ZNF626: variants seen among roughly 807,000 people sequenced by gnomAD.
ZNF626 encodes the protein CTC-513N18.7.
A neutral mutation model predicts 11.7 loss-of-function variants in ZNF626; 4 were observed. The ratio of observed to expected loss-of-function variants is 0.34; its 90% confidence interval spans 0.17 to 0.78. The LOEUF (loss-of-function observed/expected upper bound fraction) is 0.78, where lower values mean the gene tolerates loss of function less well. ZNF626 is among the 30% of genes least tolerant of loss of function. The pLI, the probability that ZNF626 is intolerant of heterozygous loss-of-function variation, is 0.57. For missense variants in ZNF626, 588 were observed against 587.1 expected (o/e 1.00, Z -0.01); for synonymous variants, 179 against 198.6 (o/e 0.90, Z 0.83).
intron 1 of ZNF626, among the ~76,000 whole-genome samples, chr19:20,647,483 G>C (rs1428531533): frequency 8.4e-6 from 1 of 119,132 alleles, no homozygotes; most frequent in Non-Finnish European, 1.7e-5. Context: ...CTAGGACAAT[G>C]GTTTTTTTTT....
chr19:20,624,240 A>C lies in ZNF626; in HGVS notation c.*50T>G. On this transcript the variant is annotated 3_prime_UTR_variant, in exon 4 of 4. Transcript: ENST00000601440. Reference sequence around the variant, plus strand: ...GTGTAGTAAGGTTAGAGAAATGCTTAAAAGCTTTGTCACATTCTTCACATT... The same window carrying C: ...GTGTAGTAAGGTTAGAGAAATGCTTCAAAGCTTTGTCACATTCTTCACATT... 6.2e-7 allele frequency: 1 copy of C among 1,612,628 alleles called. No homozygotes were observed. Among genetic ancestry groups the C allele is most frequent in the Non-Finnish European group, 8.5e-7 (1 of 1,179,254 alleles).
intron 3 of ZNF626, among the ~76,000 whole-genome samples, chr19:20,642,499 G>A (rs1177796868): frequency 6.6e-6 from 1 of 152,122 alleles, no homozygotes; most frequent in Non-Finnish European, 1.5e-5. Context: ...CGGAGGCTGA[G>A]GCAGAAGAAT....
chr19:20,652,834 G>A (rs1970161995), intron 1 of ZNF626, among the ~76,000 whole-genome samples: 1 of 152,156 alleles, frequency 6.6e-6, no homozygotes, highest in Non-Finnish European at 1.5e-5. Flanking sequence ...ACATTTGTGA[G>A]CTTTTTAGCA....
chr19:20,623,308 T>C lies in ZNF626; in HGVS notation c.*982A>G, dbSNP rs1555768952. On this transcript the variant is annotated 3_prime_UTR_variant, in exon 4 of 4. Transcript: ENST00000601440. The stretch of plus-strand genomic sequence containing the variant: ...CACATTCTTCATGCTTGTAGGAATT[T>C]TGCCAGTATGAATTATCTTACTATC... The C allele has an allele frequency of 6.6e-6, 1 of 152,134 alleles. No individual in the cohort carries two copies. The highest frequency in any genetic ancestry group is 2.4e-5 in the African/African-American group (1 of 41,424). The allele number at this position is 152,134 out of a possible 1,614,324, so 9.4% of individuals were successfully genotyped here.
rs1453635701 is a variant in ZNF626 at position 20,625,446 on chromosome 19, AT to A, written c.430del (p.Ile144TyrfsTer8). ...NQCLTTTPRK[I>X]CQCDKYVKVL... Reference sequence around the variant, plus strand: ...TTTCACATATTTATCACATTGACATATTTTTCTTGGGGTAGTTGTCAAACAT... The same window carrying A: ...TTTCACATATTTATCACATTGACATATTTTCTTGGGGTAGTTGTCAAACAT... On this transcript the variant is annotated frameshift_variant, in exon 4 of 4. Transcript: ENST00000601440. LOFTEE classifies it low-confidence loss of function (END_TRUNC). The A allele has an allele frequency of 1.2e-6, 2 of 1,613,842 alleles. No individual in the cohort carries two copies. The highest frequency in any genetic ancestry group is 1.3e-5 in the African/African-American group (1 of 74,876).
At chr19:20,652,313 A>G (rs1286840553) in intron 1 of ZNF626, among the ~76,000 whole-genome samples, 1 of 151,604 alleles carries the variant, frequency 6.6e-6, no homozygotes, top group Non-Finnish European at 1.5e-5. Flanking sequence ...AAAAAAAAAA[A>G]GCTGACACAA....
rs1568454056 is a variant in ZNF626, at chr19:20,625,444, A to T, written c.433T>A (p.Cys145Ser). 2 of 1,614,116 alleles carry T rather than the reference A, an allele frequency of 1.2e-6. No individual in the cohort carries two copies. The highest frequency in any genetic ancestry group is 1.7e-6 in the Non-Finnish European group (2 of 1,180,014). ...ACTTTCACATATTTATCACATTGAC[A>T]TATTTTTCTTGGGGTAGTTGTCAAA... ...QCLTTTPRKI[C>S]QCDKYVKVLH... is the part of the protein sequence containing the mutation. The change falls in exon 4 of 4, where the codon TGT becomes AGT. Residue 145 changes from cysteine to serine, a missense_variant. Physicochemically the swap from Cys to Ser is moderately radical, Grantham distance 112. This residue lies in a region of ZNF626 where 524 missense variants were observed against 470.1 expected (regional missense o/e 1.11). Transcript: ENST00000601440.
At chr19:20,661,164 C>T (rs1476759417) in intron 1 of ZNF626, among the ~76,000 whole-genome samples, 2 of 152,124 alleles carry the variant, frequency 1.3e-5, no homozygotes, top group Admixed American at 6.5e-5. Flanking sequence ...GGTCCCTGCA[C>T]AATCTGGGAG....
chr19:20,631,787 CATTTA>C (rs1969908939), intron 3 of ZNF626, among the ~76,000 whole-genome samples: 1 of 151,546 alleles, frequency 6.6e-6, no homozygotes, highest in African/African-American at 2.4e-5. Flanking sequence ...AGCCCATTTA[CATTTA>C]AAGTTAATAT....
At chr19:20,626,939 C>T (rs1178006971) in intron 3 of ZNF626, among the ~76,000 whole-genome samples, 6 of 152,018 alleles carry the variant, frequency 3.9e-5, no homozygotes, top group Non-Finnish European at 5.9e-5. Flanking sequence ...TGCTTGAACT[C>T]GGGAGGCAGA....
At chr19:20,646,899 G>A (rs572434155) in intron 1 of ZNF626, among the ~76,000 whole-genome samples, 1 of 152,204 alleles carries the variant, frequency 6.6e-6, no homozygotes, top group Non-Finnish European at 1.5e-5. Context: ...CCAAGCTGGA[G>A]TGAAATGGTG....
At chr19:20,634,710 G>A (rs1475528947) in intron 3 of ZNF626, among the ~76,000 whole-genome samples, 1 of 152,130 alleles carries the variant, frequency 6.6e-6, no homozygotes, top group Non-Finnish European at 1.5e-5. Context: ...TTAATCTACA[G>A]AATTAATGCA....
At chr19:20,635,789 A>G (rs2144774630) in intron 3 of ZNF626, among the ~76,000 whole-genome samples, 1 of 152,276 alleles carries the variant, frequency 6.6e-6, no homozygotes, top group African/African-American at 2.4e-5. Context: ...AAATAAATAG[A>G]CGCTGAAATT....
At chr19:20,642,824 C>T (rs535268748) in intron 3 of ZNF626, among the ~76,000 whole-genome samples, 2 of 151,932 alleles carry the variant, frequency 1.3e-5, no homozygotes, top group African/African-American at 4.8e-5. Flanking sequence ...ACCAGTCTGT[C>T]AACATGATGA....
At chr19:20,640,649 T>C (rs573526303) in intron 3 of ZNF626, among the ~76,000 whole-genome samples, 11 of 127,510 alleles carry the variant, frequency 8.6e-5, no homozygotes, top group Non-Finnish European at 1.8e-4. Flanking sequence ...TACTAGTTTA[T>C]AGAGAAATGA....
chr19:20,637,886 T>C (rs190082401), intron 3 of ZNF626, among the ~76,000 whole-genome samples: 1 of 152,164 alleles, frequency 6.6e-6, no homozygotes, highest in East Asian at 1.9e-4. Context: ...TAAAATGTAA[T>C]CTTAGGACTT....
chr19:20,622,567 AT>A lies in ZNF626; in HGVS notation c.*1722del, dbSNP rs1282298013. 2.3e-5 allele frequency: 3 copies of A among 128,396 alleles called. No individual in the cohort carries two copies. Among genetic ancestry groups the A allele is most frequent in the African/African-American group, 8.1e-5 (3 of 36,848 alleles). 8.0% of individuals were successfully genotyped at this position (128,396 alleles called of 1,614,324 possible). ...GTGAATATAATAAAGTAACAGCATAATTTGAAAGCTGTATTACATCATTCAC... is the reference window on the plus strand; with the variant it reads ...GTGAATATAATAAAGTAACAGCATAATTGAAAGCTGTATTACATCATTCAC... On this transcript the variant is annotated 3_prime_UTR_variant, in exon 4 of 4. Coordinates refer to ENST00000601440, the MANE Select transcript of ZNF626 (RefSeq NM_001076675.3).
chr19:20,623,943 GTT>G lies in ZNF626; in HGVS notation c.*345_*346del. The G allele has an allele frequency of 7.8e-6, 3 of 383,464 alleles. No homozygotes were observed. Among genetic ancestry groups the G allele is most frequent in the South Asian group, 6.8e-5 (3 of 43,840 alleles). The allele number at this position is 383,464 out of a possible 1,614,324, so 23.8% of individuals were successfully genotyped here. ...CTGTCACATTCTTTATATTTGTAGA[GTT>G]TATATTTCATATCAATTCTTAGTTA... On this transcript the variant is annotated 3_prime_UTR_variant, in exon 4 of 4. Coordinates refer to ENST00000601440, the MANE Select transcript of ZNF626 (RefSeq NM_001076675.3).
intron 3 of ZNF626, among the ~76,000 whole-genome samples, chr19:20,631,419 CTA>C (rs1431933066): frequency 1.6e-4 from 25 of 152,216 alleles, no homozygotes; most frequent in African/African-American, 6.0e-4. Flanking sequence ...GTGTGGGAGT[CTA>C]AGTCTCTTTG....
Sources: gnomAD v4.1 joint callset for allele counts (sites outside exome capture counted in the v4.1 genomes callset) on GRCh38, gnomAD v4.1.1 for gene constraint, gnomAD v4.1.1 regional missense constraint, MANE v1.5 for transcripts, NCBI Gene and HGNC (gene_info 2026-07-23, HGNC 2026-07-21) for gene names.